Variants in GDA observed in about 807,000 individuals in gnomAD.
GDA encodes the protein guanine deaminase.
GDA carries 18 observed loss-of-function variants against 59.6 expected under a neutral mutation model. That is an observed-to-expected ratio of 0.30 (90% CI 0.21 to 0.45). The LOEUF is 0.45. Among genes scored for constraint, GDA ranks in the 20% least tolerant of loss-of-function variants. GDA has a pLI of 1.00. For missense variants in GDA, 427 were observed against 552.3 expected (o/e 0.77, Z 2.27); for synonymous variants, 201 against 201.1 (o/e 1.00, Z 0.00).
chr9:72,163,966 T>C (rs1442918955), intron 1 of GDA, among the ~76,000 whole-genome samples: 3 of 152,188 alleles, frequency 2.0e-5, no homozygotes, highest in South Asian at 2.1e-4. Flanking sequence ...CTCTCTGTTT[T>C]AGTTGGGTAT....
intron 1 of GDA, among the ~76,000 whole-genome samples, chr9:72,154,368 A>T (rs147277241): frequency 3.3e-5 from 5 of 152,336 alleles, no homozygotes; most frequent in African/African-American, 9.6e-5. Flanking sequence ...CACTTAGTGG[A>T]TACTTAACAT....
At chr9:72,181,509 G>C (rs1415390202) in intron 1 of GDA, among the ~76,000 whole-genome samples, 2 of 152,186 alleles carry the variant, frequency 1.3e-5, no homozygotes, top group African/African-American at 4.8e-5. Flanking sequence ...ATTTTTAGTA[G>C]AGACGGGGTT....
At chr9:72,185,546 A>T (rs1831762234) in intron 1 of GDA, among the ~76,000 whole-genome samples, 1 of 152,112 alleles carries the variant, frequency 6.6e-6, no homozygotes, top group Admixed American at 6.6e-5. Context: ...TAATACGGCA[A>T]TTTTTGTCTC....
At chr9:72,156,630 T>C (rs1827924284) in intron 1 of GDA, among the ~76,000 whole-genome samples, 1 of 152,220 alleles carries the variant, frequency 6.6e-6, no homozygotes, top group African/African-American at 2.4e-5. Flanking sequence ...GGTTACCCAC[T>C]CAGCAGTCAT....
At chr9:72,245,312 T>C in intron 12 of GDA, 34 bp downstream of exon 12, 1 of 1,528,862 alleles carries the variant, frequency 6.5e-7, no homozygotes, top group Non-Finnish European at 9.1e-7. Context: ...AAGGCATTTA[T>C]TTCATAAAGT....
At chr9:72,184,581 G>T (rs973006070) in intron 1 of GDA, among the ~76,000 whole-genome samples, 2 of 151,880 alleles carry the variant, frequency 1.3e-5, no homozygotes, top group African/African-American at 4.8e-5. Context: ...TGGATGTACC[G>T]CAGTTTATTT....
chr9:72,255,833 C>G (rs149238954), downstream of GDA, among the ~76,000 whole-genome samples: 2 of 152,180 alleles, frequency 1.3e-5, no homozygotes, highest in African/African-American at 4.8e-5. Context: ...TTATGTCATC[C>G]AGGACAATTT....
In GDA at chr9:72,250,596, T is replaced by C; in HGVS notation, c.*2254T>C. The C allele has an allele frequency of 6.6e-7, 1 of 1,522,202 alleles. No individual in the cohort carries two copies. Among genetic ancestry groups the C allele is most frequent in the South Asian group, 1.2e-5 (1 of 80,468 alleles). 94.3% of individuals were successfully genotyped at this position (1,522,202 alleles called of 1,614,324 possible). A position where few individuals can be genotyped will look rare whatever the true frequency, so the allele number is the denominator to read the frequency against. Reference sequence around the variant, plus strand: ...AATGTTATGTATGCTTTTTTTTCTGTACCACAGGCATTATCTATACCTGGG... The same window carrying C: ...AATGTTATGTATGCTTTTTTTTCTGCACCACAGGCATTATCTATACCTGGG... On this transcript the variant is annotated 3_prime_UTR_variant, in exon 14 of 14. Transcript: ENST00000358399.
intron 1 of GDA, among the ~76,000 whole-genome samples, chr9:72,135,129 G>A (rs368955561): frequency 6.6e-6 from 1 of 151,808 alleles, no homozygotes; most frequent in African/African-American, 2.4e-5. Flanking sequence ...TTATTGGCGA[G>A]ATCAATTCAT....
chr9:72,119,276 G>T (rs1040072238), intron 1 of GDA, among the ~76,000 whole-genome samples: 2 of 152,136 alleles, frequency 1.3e-5, no homozygotes, highest in Admixed American at 1.3e-4. Flanking sequence ...AGGCCGAGGG[G>T]GGCAGATTCC....
At chr9:72,198,938 T>A (rs1460611677) in intron 2 of GDA, among the ~76,000 whole-genome samples, 1 of 151,022 alleles carries the variant, frequency 6.6e-6, no homozygotes, top group Non-Finnish European at 1.5e-5. Context: ...GTTGAGATTC[T>A]CTGAGGAAAT....
chr9:72,133,308 A>AATAATAATAATAATAATAAT (rs1554722434), intron 1 of GDA, among the ~76,000 whole-genome samples: 4 of 101,560 alleles, frequency 3.9e-5, no homozygotes, highest in Admixed American at 1.4e-4. Flanking sequence ...AAAAAAAAAA[A>AATAATAATAATAATAATAAT]AATAATAATA....
At chr9:72,152,445 G>A (rs1262211202) in intron 1 of GDA, among the ~76,000 whole-genome samples, 3 of 152,198 alleles carry the variant, frequency 2.0e-5, no homozygotes, top group South Asian at 2.1e-4. Context: ...CAAGTAGCAT[G>A]TAGCTTTTAA....
chr9:72,126,248 G>A (rs373290679), intron 1 of GDA, among the ~76,000 whole-genome samples: 1 of 152,104 alleles, frequency 6.6e-6, no homozygotes. Flanking sequence ...TTCTGATCTG[G>A]CTAAACACGA....
chr9:72,146,130 G>T (rs539721662), upstream of GDA, among the ~76,000 whole-genome samples: 7 of 151,354 alleles, frequency 4.6e-5, no homozygotes, highest in African/African-American at 1.7e-4. Context: ...CTGGATAAAG[G>T]TGAGGGGGGG....
intron 1 of GDA, among the ~76,000 whole-genome samples, chr9:72,115,308 A>G (rs1461841899): frequency 2.0e-5 from 3 of 152,194 alleles, no homozygotes; most frequent in Non-Finnish European, 4.4e-5. Context: ...TTTCAATCCA[A>G]TGATATACGG....
intron 1 of GDA, among the ~76,000 whole-genome samples, chr9:72,181,828 G>A (rs532015428): frequency 5.3e-5 from 8 of 151,806 alleles, no homozygotes; most frequent in East Asian, 1.9e-4. Flanking sequence ...TTATATTTGC[G>A]TTTCCAAATA....
chr9:72,249,636 T>A lies in GDA; in HGVS notation c.*1294T>A. ...TTAAAACCAAATTATGACCTTATGA[T>A]AAATCTTTAAGTATTGGTGTGAATG... is the stretch of plus-strand genomic sequence containing the variant. On this transcript the variant is annotated 3_prime_UTR_variant, in exon 14 of 14. Coordinates refer to ENST00000358399, the MANE Select transcript of GDA (RefSeq NM_004293.5). 3.1e-6 allele frequency: 2 copies of A among 647,432 alleles called. No homozygotes were observed. The highest frequency in any genetic ancestry group is 3.8e-6 in the Non-Finnish European group (2 of 521,726). 40.1% of individuals were successfully genotyped at this position (647,432 alleles called of 1,614,324 possible).
At chr9:72,229,499 G>A (rs1397785647) in intron 9 of GDA, among the ~76,000 whole-genome samples, 1 of 152,142 alleles carries the variant, frequency 6.6e-6, no homozygotes, top group Non-Finnish European at 1.5e-5. Context: ...AGAAAACTCA[G>A]GTAACCAGTG....
Sources: gnomAD v4.1 joint callset for allele counts (sites outside exome capture counted in the v4.1 genomes callset) on GRCh38, gnomAD v4.1.1 for gene constraint, MANE v1.5 for transcripts, NCBI Gene and HGNC (gene_info 2026-07-23, HGNC 2026-07-21) for gene names.